Variants in OSBPL10 observed in about 807,000 individuals in gnomAD.
The protein encoded by OSBPL10 is oxysterol-binding protein-related protein 10.
A neutral mutation model predicts 81.7 loss-of-function variants in OSBPL10; 49 were observed. The observed-to-expected ratio is 0.60, with a 90% CI of 0.48 to 0.76. The LOEUF is 0.76. Ranked by LOEUF, OSBPL10 falls within the 30% of genes least tolerant of loss-of-function variation. The probability of loss-of-function intolerance (pLI) is 0.00; values close to 1 mark genes in which losing one functional copy is unlikely to be tolerated. For synonymous variants in OSBPL10, 419 were observed against 383.6 expected (o/e 1.09, Z -1.08); for missense variants, 923 against 987.8 (o/e 0.93, Z 0.88).
chr3:31,810,091 G>C (rs191806341), intron 4 of OSBPL10, among the ~76,000 whole-genome samples: 2 of 151,852 alleles, frequency 1.3e-5, no homozygotes, highest in African/African-American at 4.8e-5. Context: ...GGCTGGTCTC[G>C]AACTCCTGAC....
chr3:31,778,538 C>T (rs1462473345), intron 4 of OSBPL10, among the ~76,000 whole-genome samples: 1 of 152,008 alleles, frequency 6.6e-6, no homozygotes, highest in African/African-American at 2.4e-5. Context: ...TGAACAAAGA[C>T]TCCAAGAAAT....
At chr3:31,818,391 C>T (rs1329631778) in intron 4 of OSBPL10, among the ~76,000 whole-genome samples, 1 of 152,212 alleles carries the variant, frequency 6.6e-6, no homozygotes, top group African/African-American at 2.4e-5. Flanking sequence ...GCCAGCCTCC[C>T]AAATTCCGCG....
intron 1 of OSBPL10, among the ~76,000 whole-genome samples, chr3:31,897,677 T>C (rs1696095872): frequency 6.6e-6 from 1 of 151,542 alleles, no homozygotes; most frequent in African/African-American, 2.4e-5. Context: ...AAACATCAGG[T>C]TGACATTAGA....
intron 4 of OSBPL10, among the ~76,000 whole-genome samples, chr3:31,809,171 G>A (rs7649767): frequency 0.29 from 43,531 of 152,022 alleles, 9,680 homozygotes; most frequent in African/African-American, 0.63. Flanking sequence ...TATTCGCAAC[G>A]GATGAGTTTA....
chr3:31,718,473 C>T (rs1696525616), intron 6 of OSBPL10, among the ~76,000 whole-genome samples: 1 of 152,150 alleles, frequency 6.6e-6, no homozygotes, highest in South Asian at 2.1e-4. Flanking sequence ...TGATGACTTT[C>T]CAAGCTAGGT....
At chr3:31,812,851 C>CGAA (rs1699745066) in intron 4 of OSBPL10, among the ~76,000 whole-genome samples, 1 of 145,760 alleles carries the variant, frequency 6.9e-6, no homozygotes, top group African/African-American at 2.5e-5. Context: ...AAAGAACGAA[C>CGAA]TTCTCCAATA....
intron 1 of OSBPL10, among the ~76,000 whole-genome samples, chr3:31,967,616 G>A (rs144289506): frequency 6.6e-4 from 100 of 152,206 alleles, no homozygotes; most frequent in South Asian, 4.8e-3. Context: ...TTTATATTAC[G>A]ATGAAACAAC....
chr3:32,057,487 GGA>G (rs1699721358), intron 1 of OSBPL10, among the ~76,000 whole-genome samples: 1 of 152,196 alleles, frequency 6.6e-6, no homozygotes, highest in Non-Finnish European at 1.5e-5. Context: ...CAGCGTGGTT[GGA>G]GAGGCATCAG....
Position 31,887,544 on chromosome 3 carries a change from T to C in OSBPL10, c.282-7714A>G, listed in dbSNP as rs998684420. Among the ~76,000 whole-genome samples, 11 of 152,208 alleles carry C rather than the reference T, an allele frequency of 7.2e-5. 1 individual carries two copies. Among genetic ancestry groups the C allele is most frequent in the African/African-American group, 2.4e-4 (10 of 41,528 alleles). ...TCATTGCGGTGAAGGAAAGAAAGCA[T>C]AATATATAACCCCAAAATATGCTCA... On this transcript the variant is annotated intron_variant, in intron 1 of 11. Coordinates refer to ENST00000396556, the MANE Select transcript of OSBPL10 (RefSeq NM_017784.5).
intron 2 of OSBPL10, among the ~76,000 whole-genome samples, chr3:32,046,324 G>C (rs1050902434): frequency 2.0e-5 from 3 of 152,146 alleles, no homozygotes; most frequent in African/African-American, 7.2e-5. Flanking sequence ...ATGTGTCCTG[G>C]TTGTCTCCCA....
intron 3 of OSBPL10, among the ~76,000 whole-genome samples, chr3:31,871,103 G>A (rs1356043160): frequency 6.6e-6 from 1 of 151,862 alleles, no homozygotes; most frequent in African/African-American, 2.4e-5. Flanking sequence ...GCCCAAACCA[G>A]CAGTGGCAAC....
chr3:31,696,369 C>T (rs1695720744), intron 7 of OSBPL10, among the ~76,000 whole-genome samples: 1 of 152,202 alleles, frequency 6.6e-6, no homozygotes. Flanking sequence ...CAGTTTCCAC[C>T]CAATTTTCTG....
chr3:31,801,140 T>C (rs1440057876), intron 4 of OSBPL10, among the ~76,000 whole-genome samples: 2 of 152,186 alleles, frequency 1.3e-5, no homozygotes, highest in African/African-American at 4.8e-5. Context: ...CCCTGGATAC[T>C]GACTGTCAGG....
chr3:32,024,134 T>A (rs1281562906), intron 2 of OSBPL10, among the ~76,000 whole-genome samples: 1 of 152,156 alleles, frequency 6.6e-6, no homozygotes, highest in Non-Finnish European at 1.5e-5. Flanking sequence ...TGACATTGAG[T>A]TGTATAAGTT....
intron 6 of OSBPL10, among the ~76,000 whole-genome samples, chr3:31,717,522 A>T (rs559140739): frequency 3.0e-4 from 45 of 152,364 alleles, no homozygotes; most frequent in Admixed American, 2.9e-3. Context: ...ATAAACCAAG[A>T]GCGAAACTAC....
chr3:32,029,657 T>C (rs910701057), intron 2 of OSBPL10, among the ~76,000 whole-genome samples: 1 of 152,174 alleles, frequency 6.6e-6, no homozygotes, highest in African/African-American at 2.4e-5. Context: ...TGTTTCCTCT[T>C]AGGGAGTTCA....
chr3:31,956,540 G>A (rs370531643), intron 1 of OSBPL10, among the ~76,000 whole-genome samples: 9 of 152,260 alleles, frequency 5.9e-5, no homozygotes, highest in South Asian at 2.1e-4. Context: ...CCAACATGGC[G>A]AAACCCTGTC....
chr3:31,835,333 C>T (rs1321907372), intron 3 of OSBPL10, among the ~76,000 whole-genome samples: 1 of 152,162 alleles, frequency 6.6e-6, no homozygotes, highest in Non-Finnish European at 1.5e-5. Flanking sequence ...TGGAAAGTTT[C>T]CCTTAATACT....
chr3:31,722,384 G>A (rs978550078), intron 6 of OSBPL10, among the ~76,000 whole-genome samples: 2 of 152,066 alleles, frequency 1.3e-5, no homozygotes, highest in Non-Finnish European at 1.5e-5. Flanking sequence ...CAGGGCACAA[G>A]AGTCATCTGC....
Sources: allele counts gnomAD v4.1 joint callset (sites outside exome capture counted in the v4.1 genomes callset), GRCh38; gene constraint gnomAD v4.1.1; transcripts MANE v1.5; gene names NCBI Gene and HGNC (gene_info 2026-07-23, HGNC 2026-07-21).